FAM171A1: variants seen among roughly 807,000 people sequenced by gnomAD.
FAM171A1 encodes protein FAM171A1.
A neutral mutation model predicts 74.9 loss-of-function variants in FAM171A1; 23 were observed. That is an observed-to-expected ratio of 0.31 (90% CI 0.22 to 0.44). The LOEUF is 0.44. Among genes scored for constraint, FAM171A1 ranks in the 20% least tolerant of loss-of-function variants. FAM171A1 has a pLI of 1.00. For synonymous variants in FAM171A1, 527 were observed against 505.7 expected, an observed-to-expected ratio of 1.04 and a Z score of -0.57; for missense variants, 1,162 against 1,159.2, an observed-to-expected ratio of 1.00 and a Z score of -0.03.
At chr10:15,299,780 C>T (rs898151419) in intron 1 of FAM171A1, among the ~76,000 whole-genome samples, 4 of 151,948 alleles carry the variant, frequency 2.6e-5, no homozygotes, top group African/African-American at 9.7e-5. Flanking sequence ...AGATTGAGAC[C>T]ATCCTGGCTA....
At chr10:15,220,549 C>T (rs962511281) in intron 6 of FAM171A1, among the ~76,000 whole-genome samples, 1 of 152,066 alleles carries the variant, frequency 6.6e-6, no homozygotes, top group Non-Finnish European at 1.5e-5. Flanking sequence ...AGGCTTTTTG[C>T]CCCCAGTGGT....
rs778309261 is a variant in FAM171A1, at chr10:15,254,788, C to T, written c.510G>A (p.Thr170=). 75 of 1,614,058 alleles carry T rather than the reference C, an allele frequency of 4.6e-5. No individual in the cohort carries two copies. Among genetic ancestry groups the T allele is most frequent in the Non-Finnish European group, 5.3e-5 (63 of 1,180,028 alleles). Residue 170 remains threonine, a synonymous_variant, in exon 4 of 8, where the codon ACG becomes ACA. Transcript: ENST00000378116. The part of the protein sequence containing the change: ...TSYSDLTAFL[T]AASSPSEVDS... ...CCACCTCCGAAGGGGAGCTGGCGGC[C>T]GTGAGAAACGCGGTCAGGTCACTGT...
intron 1 of FAM171A1, among the ~76,000 whole-genome samples, chr10:15,362,997 G>C (rs143432026): frequency 6.6e-6 from 1 of 152,280 alleles, no homozygotes; most frequent in Non-Finnish European, 1.5e-5. Flanking sequence ...TGTCCAATAA[G>C]TATTTAGCAC....
At chr10:15,241,456 T>C (rs2131747246) in intron 5 of FAM171A1, 1 of 152,342 alleles carries the variant, frequency 6.6e-6, no homozygotes, top group Middle Eastern at 3.4e-3. Flanking sequence ...GATTCAACCC[T>C]GCGTTGTAGT....
intron 1 of FAM171A1, among the ~76,000 whole-genome samples, chr10:15,291,931 T>G (rs1588537081): frequency 6.6e-6 from 1 of 152,158 alleles, no homozygotes; most frequent in East Asian, 1.9e-4. Flanking sequence ...TTTTAAAAAT[T>G]TTCAACATGG....
Position 15,229,831 on chromosome 10 carries a change from TCATCAC to T in FAM171A1, c.755-8777_755-8772del, listed in dbSNP as rs1834177099. 1.1e-3 allele frequency among the ~76,000 whole-genome samples: 7 copies of T among 6,314 alleles called. 1 individual carries two copies. The highest frequency in any genetic ancestry group is 2.5e-3 in the African/African-American group (4 of 1,584). 4.1% of individuals were successfully genotyped at this position (6,314 alleles called of 152,430 possible). On this transcript the variant is annotated intron_variant, in intron 5 of 7. Transcript: ENST00000378116. ...ATCACCACCACCATCACCATCATCA[TCATCAC>T]CACCATCACCATCATCACCATCACC...
At chr10:15,371,371 C>G (rs1187821796), upstream of FAM171A1, among the ~76,000 whole-genome samples, 5 of 146,466 alleles carry the variant, frequency 3.4e-5, no homozygotes, top group Admixed American at 2.7e-4. Context: ...GCGGCTGCGG[C>G]GCCGAGGGCG....
Position 15,240,219 on chromosome 10 carries a change from G to C in FAM171A1, c.754+8420C>G, listed in dbSNP as rs1447308257. 2.0e-5 allele frequency among the ~76,000 whole-genome samples: 3 copies of C among 152,194 alleles called. No homozygotes were observed. The East Asian group carries it at 5.8e-4, about 29-fold the overall frequency. On this transcript the variant is annotated intron_variant, in intron 5 of 7. Transcript: ENST00000378116. ...CTACTAAAAATACAAAAATTAGCCT[G>C]GTGTGGTGGCACACACCTGTAGTCC...
At chr10:15,281,859 CAAAAATAA>C (rs1218696993) in intron 2 of FAM171A1, among the ~76,000 whole-genome samples, 1 of 151,296 alleles carries the variant, frequency 6.6e-6, no homozygotes, top group Non-Finnish European at 1.5e-5. Flanking sequence ...AGACTGTCTC[CAAAAATAA>C]AAAAATAAAA....
At chr10:15,294,023 G>T (rs1031423846) in intron 1 of FAM171A1, among the ~76,000 whole-genome samples, 1 of 152,172 alleles carries the variant, frequency 6.6e-6, no homozygotes, top group African/African-American at 2.4e-5. Context: ...GCAGCATGAA[G>T]AAGCAGGGCC....
At position 15,371,192 on chromosome 10, in the gene FAM171A1, G is replaced by A. The variant is rs1487060843; in HGVS notation, c.-140C>T. ...CCCGCCGCCCGATTGGCCCGGCCCC[G>A]CCGCCCCGGCCGCTCCCTCCCGCGC... On this transcript the variant is annotated 5_prime_UTR_variant, in exon 1 of 8. Coordinates refer to ENST00000378116, the MANE Select transcript of FAM171A1 (RefSeq NM_001010924.2). 2 of 165,672 alleles carry A rather than the reference G, an allele frequency of 1.2e-5. No individual in the cohort carries two copies. The highest frequency in any genetic ancestry group is 6.9e-5 in the Admixed American group (1 of 14,578). 10.3% of individuals were successfully genotyped at this position (165,672 alleles called of 1,614,324 possible).
At chr10:15,293,790 T>C (rs1699838600) in intron 1 of FAM171A1, among the ~76,000 whole-genome samples, 2 of 152,334 alleles carry the variant, frequency 1.3e-5, no homozygotes, top group African/African-American at 2.4e-5. Context: ...GGAGGAATAA[T>C]GCTTCTTGGA....
chr10:15,368,797 T>C (rs9919389), intron 1 of FAM171A1, among the ~76,000 whole-genome samples: 519 of 152,320 alleles, frequency 3.4e-3, no homozygotes, highest in African/African-American at 0.012. Context: ...AACTACGTCA[T>C]ACTACAGCAA....
intron 1 of FAM171A1, among the ~76,000 whole-genome samples, chr10:15,312,821 C>A (rs984797989): frequency 6.6e-6 from 1 of 150,630 alleles, no homozygotes; most frequent in African/African-American, 2.4e-5. Flanking sequence ...CCTCAGCCTC[C>A]TGAGTAGCTG....
At chr10:15,343,835 G>A (rs1835791934) in intron 1 of FAM171A1, among the ~76,000 whole-genome samples, 1 of 150,286 alleles carries the variant, frequency 6.7e-6, no homozygotes, top group African/African-American at 2.5e-5. Flanking sequence ...AATGCTCCCA[G>A]GTAATGATAA....
At chr10:15,253,089 C>T (rs1047266235) in intron 4 of FAM171A1, among the ~76,000 whole-genome samples, 3 of 152,146 alleles carry the variant, frequency 2.0e-5, no homozygotes, top group African/African-American at 7.2e-5. Context: ...CTGCAACCTC[C>T]ACCTTCTGGG....
chr10:15,250,059 CA>C (rs1252505803), intron 4 of FAM171A1, among the ~76,000 whole-genome samples: 1 of 152,194 alleles, frequency 6.6e-6, no homozygotes, highest in Non-Finnish European at 1.5e-5. Flanking sequence ...ATCTGGTCTA[CA>C]TTTAAACATT....
chr10:15,353,634 C>A (rs1467108614), intron 1 of FAM171A1, among the ~76,000 whole-genome samples: 1 of 152,176 alleles, frequency 6.6e-6, no homozygotes, highest in East Asian at 1.9e-4. Context: ...ATTTACACCA[C>A]TAATTCTGTC....
intron 1 of FAM171A1, among the ~76,000 whole-genome samples, chr10:15,292,521 C>G (rs1189498460): frequency 6.6e-6 from 1 of 152,140 alleles, no homozygotes; most frequent in African/African-American, 2.4e-5. Context: ...GGCTCTATTA[C>G]CCAGGCTAGA....
Sources: allele counts gnomAD v4.1 joint callset (sites outside exome capture counted in the v4.1 genomes callset), GRCh38; gene constraint gnomAD v4.1.1; transcripts MANE v1.5; gene names NCBI Gene and HGNC (gene_info 2026-07-23, HGNC 2026-07-21).